CPNE8: variants seen among roughly 807,000 people sequenced by gnomAD.
CPNE8 encodes copine 8, also known as copine-8.
In CPNE8, 45 loss-of-function variants were observed where a neutral mutation model predicts 81.5. The observed-to-expected ratio is 0.55, with a 90% CI of 0.44 to 0.71. The LOEUF is 0.71. Among genes scored for constraint, CPNE8 ranks in the 30% least tolerant of loss-of-function variants. The probability of loss-of-function intolerance (pLI) is 0.00; values close to 1 mark genes in which losing one functional copy is unlikely to be tolerated. For synonymous variants in CPNE8, 252 were observed against 226.3 expected (o/e 1.11, Z -1.02); for missense variants, 594 against 672.1 (o/e 0.88, Z 1.28).
At chr12:38,686,202 C>G (rs184262799) in intron 15 of CPNE8, among the ~76,000 whole-genome samples, 13 of 151,978 alleles carry the variant, frequency 8.6e-5, no homozygotes, top group African/African-American at 2.9e-4. Flanking sequence ...ATTGATAACT[C>G]CAAGTAGAGA....
chr12:38,771,461 G>A (rs560026485), intron 7 of CPNE8, among the ~76,000 whole-genome samples: 85 of 151,734 alleles, frequency 5.6e-4, no homozygotes, highest in African/African-American at 1.5e-3. Context: ...GTGAGACCCC[G>A]TATTTAAAAA....
intron 10 of CPNE8, among the ~76,000 whole-genome samples, chr12:38,731,200 A>C (rs1215161573): frequency 6.6e-6 from 1 of 151,976 alleles, no homozygotes; most frequent in Non-Finnish European, 1.5e-5. Flanking sequence ...ACGTTAGAAG[A>C]ATATACAGAT....
chr12:38,882,223 G>A (rs1344089968), intron 1 of CPNE8, among the ~76,000 whole-genome samples: 1 of 152,194 alleles, frequency 6.6e-6, no homozygotes, highest in African/African-American at 2.4e-5. Flanking sequence ...GAGGAAGGCA[G>A]AGGGAGATTT....
chr12:38,735,352 T>C (rs1940929281), intron 10 of CPNE8, among the ~76,000 whole-genome samples: 1 of 152,068 alleles, frequency 6.6e-6, no homozygotes, highest in Non-Finnish European at 1.5e-5. Context: ...AAAAGAGGTT[T>C]AAATCTGTAT....
At chr12:38,850,529 T>G (rs369394978) in intron 3 of CPNE8, among the ~76,000 whole-genome samples, 7 of 152,306 alleles carry the variant, frequency 4.6e-5, no homozygotes, top group African/African-American at 7.2e-5. Context: ...AAATCCTGGT[T>G]TTAGCAAATC....
intron 6 of CPNE8, among the ~76,000 whole-genome samples, chr12:38,779,782 CCAAAACAACAGGTTGCAGAAT>C (rs1942007938): frequency 6.6e-6 from 1 of 151,826 alleles, no homozygotes; most frequent in African/African-American, 2.4e-5. Context: ...GTTAGACTCT[CCAAAACAACAGGTTGCAGAAT>C]CAAACACAGA....
At chr12:38,717,405 A>G (rs1940422744) in intron 13 of CPNE8, among the ~76,000 whole-genome samples, 1 of 134,648 alleles carries the variant, frequency 7.4e-6, no homozygotes, top group Non-Finnish European at 1.6e-5. Flanking sequence ...CCATCGACCA[A>G]CAAGTAAACA....
At chr12:38,706,240 G>T (rs1940102773) in intron 13 of CPNE8, among the ~76,000 whole-genome samples, 1 of 152,032 alleles carries the variant, frequency 6.6e-6, no homozygotes, top group Admixed American at 6.5e-5. Flanking sequence ...CTAAACAGAT[G>T]TTCTTTTTTG....
intron 1 of CPNE8, among the ~76,000 whole-genome samples, chr12:38,898,935 T>G (rs2137159850): frequency 6.6e-6 from 1 of 152,092 alleles, no homozygotes; most frequent in South Asian, 2.1e-4. Context: ...GAAAGAAAAA[T>G]ACAACTTCAA....
chr12:38,781,165 A>G (rs1325698067), intron 6 of CPNE8, among the ~76,000 whole-genome samples: 1 of 152,062 alleles, frequency 6.6e-6, no homozygotes, highest in African/African-American at 2.4e-5. Flanking sequence ...AGTACTTTAT[A>G]GTTTCAAGTT....
intron 3 of CPNE8, among the ~76,000 whole-genome samples, chr12:38,855,472 C>T (rs917553281): frequency 2.6e-5 from 4 of 151,976 alleles, no homozygotes; most frequent in Non-Finnish European, 4.4e-5. Context: ...ACTTCAAAAT[C>T]GATCACAATG....
chr12:38,840,063 T>A, intron 4 of CPNE8, 108 bp from the exon 5 acceptor site: 1 of 1,109,810 alleles, frequency 9.0e-7, no homozygotes, highest in Non-Finnish European at 1.2e-6. Flanking sequence ...TCCAAAATAA[T>A]ACCAATAGGA....
intron 6 of CPNE8, among the ~76,000 whole-genome samples, chr12:38,813,214 G>T (rs545750641): frequency 2.0e-5 from 3 of 152,262 alleles, no homozygotes; most frequent in East Asian, 3.9e-4. Context: ...ATTAGGAGCT[G>T]CTATACACAG....
At chr12:38,688,799 T>C (rs1477094542) in intron 15 of CPNE8, among the ~76,000 whole-genome samples, 1 of 152,104 alleles carries the variant, frequency 6.6e-6, no homozygotes, top group African/African-American at 2.4e-5. Context: ...ATAAGAATGA[T>C]ATAATGGACT....
Position 38,873,055 on chromosome 12 carries a change from A to G in CPNE8, c.140-5T>C. The G allele has an allele frequency of 6.6e-7, 1 of 1,509,840 alleles. No homozygotes were observed. Among genetic ancestry groups the G allele is most frequent in the Non-Finnish European group, 9.2e-7 (1 of 1,092,616 alleles). 93.5% of individuals were successfully genotyped at this position (1,509,840 alleles called of 1,614,324 possible). A position where few individuals can be genotyped will look rare whatever the true frequency, so the allele number is the denominator to read the frequency against. ...CTTGTACATATAAGACACAAACTACAAAAGATGAAAAAATACGCACATATA... is the reference window on the plus strand; with the variant it reads ...CTTGTACATATAAGACACAAACTACGAAAGATGAAAAAATACGCACATATA... On this transcript the variant is annotated splice_polypyrimidine_tract_variant and splice_region_variant and intron_variant, in intron 2 of 19. Transcript: ENST00000331366.
chr12:38,893,898 A>C (rs1944348783), intron 1 of CPNE8, among the ~76,000 whole-genome samples: 1 of 152,206 alleles, frequency 6.6e-6, no homozygotes, highest in African/African-American at 2.4e-5. Context: ...TGAGATAAAT[A>C]TTTTGAAAGT....
chr12:38,711,761 G>C (rs1168571678), intron 13 of CPNE8, among the ~76,000 whole-genome samples: 1 of 152,094 alleles, frequency 6.6e-6, no homozygotes, highest in African/African-American at 2.4e-5. Context: ...GACCCACTAC[G>C]CCCGGCCCAA....
upstream of CPNE8, chr12:38,905,864 A>G (rs372256633): frequency 1.0e-4 from 101 of 985,262 alleles, no homozygotes; most frequent in African/African-American, 1.6e-3. Flanking sequence ...GGCTTGGTGG[A>G]CCCAGCAAGC....
At chr12:38,750,707 A>C (rs927774972) in intron 10 of CPNE8, among the ~76,000 whole-genome samples, 1 of 152,170 alleles carries the variant, frequency 6.6e-6, no homozygotes, top group Non-Finnish European at 1.5e-5. Context: ...CTAGGAAGTA[A>C]CTCACTTGTT....
Sources: gnomAD v4.1 joint callset for allele counts (sites outside exome capture counted in the v4.1 genomes callset) on GRCh38, gnomAD v4.1.1 for gene constraint, MANE v1.5 for transcripts, NCBI Gene and HGNC (gene_info 2026-07-23, HGNC 2026-07-21) for gene names.